DOCK3: variants seen among roughly 807,000 people sequenced by gnomAD.
DOCK3 encodes the protein dedicator of cytokinesis 3.
In DOCK3, 60 loss-of-function variants were observed where a neutral mutation model predicts 265.6. That is an observed-to-expected ratio of 0.23 (90% confidence interval 0.18 to 0.28). The LOEUF (loss-of-function observed/expected upper bound fraction) is 0.28, where lower values mean the gene tolerates loss of function less well. DOCK3 is among the 10% of genes least tolerant of loss of function. The pLI is 1.00. For synonymous variants in DOCK3, 881 were observed against 938.0 expected (o/e 0.94, Z 1.11); for missense variants, 1,981 against 2,594.3 (o/e 0.76, Z 5.14).
At chr3:51,246,677 C>T in intron 21 of DOCK3, 49 bp from the exon 22 acceptor site, 1 of 1,546,804 alleles carries the variant, frequency 6.5e-7, no homozygotes, top group Middle Eastern at 1.7e-4. Context: ...TTTCAAGCTG[C>T]ATTACTTTTG....
chr3:50,968,344 GA>G (rs1329746583), intron 5 of DOCK3, among the ~76,000 whole-genome samples: 2 of 152,182 alleles, frequency 1.3e-5, no homozygotes, highest in East Asian at 3.9e-4. Context: ...GTTTTTAAAA[GA>G]AATAGATTTC....
intron 14 of DOCK3, among the ~76,000 whole-genome samples, chr3:51,218,332 G>T (rs1372903506): frequency 6.6e-6 from 1 of 151,808 alleles, no homozygotes; most frequent in African/African-American, 2.4e-5. Flanking sequence ...TATTCAGGAG[G>T]CTGAGGCATG....
chr3:51,211,265 A>G (rs2089483512), intron 13 of DOCK3, among the ~76,000 whole-genome samples: 1 of 152,166 alleles, frequency 6.6e-6, no homozygotes, highest in African/African-American at 2.4e-5. Context: ...CTTTAATCCA[A>G]TAAGAGGTTC....
intron 51 of DOCK3, among the ~76,000 whole-genome samples, chr3:51,379,081 G>A (rs1401973897): frequency 1.3e-5 from 2 of 152,188 alleles, no homozygotes; most frequent in Non-Finnish European, 2.9e-5. Context: ...GGAGCTCTAT[G>A]TCCTGTGCTC....
chr3:50,822,797 G>C (rs1016365663), intron 2 of DOCK3, among the ~76,000 whole-genome samples: 6 of 152,122 alleles, frequency 3.9e-5, no homozygotes, highest in Admixed American at 2.6e-4. Context: ...CCTGGCCTTG[G>C]GTACCATTTT....
rs115821118 is a variant in DOCK3, at chr3:51,300,607, A to G, written c.2923-9625A>G. ...CCTAGTTTATTGAGAGTTTTTTATC[A>G]TGAAAGGATGTTGAATTTTATCAAA... is the stretch of plus-strand genomic sequence containing the variant. On this transcript the variant is annotated intron_variant, in intron 27 of 52. Transcript: ENST00000266037. Among the ~76,000 whole-genome samples, 1,147 of 152,280 alleles carry G rather than the reference A, an allele frequency of 7.5e-3. 15 individuals carry two copies. The highest frequency in any genetic ancestry group is 0.027 in the African/African-American group (1,102 of 41,564).
intron 1 of DOCK3, among the ~76,000 whole-genome samples, chr3:50,751,622 T>G (rs939095917): frequency 1.3e-5 from 2 of 152,232 alleles, no homozygotes; most frequent in Non-Finnish European, 2.9e-5. Flanking sequence ...CACCAGTTAA[T>G]TACATATATG....
chr3:50,991,390 G>A (rs2078098185), intron 5 of DOCK3, among the ~76,000 whole-genome samples: 1 of 152,166 alleles, frequency 6.6e-6, no homozygotes, highest in South Asian at 2.1e-4. Flanking sequence ...CAAAATAAAG[G>A]GATGGAGGAA....
At chr3:50,955,017 G>A (rs566743123) in intron 5 of DOCK3, among the ~76,000 whole-genome samples, 1 of 152,100 alleles carries the variant, frequency 6.6e-6, no homozygotes, top group Admixed American at 6.6e-5. Context: ...TAAGGAAGGG[G>A]TCCAGTTTCA....
chr3:50,846,367 G>A (rs746303938), intron 3 of DOCK3, among the ~76,000 whole-genome samples: 7 of 152,198 alleles, frequency 4.6e-5, no homozygotes, highest in Non-Finnish European at 8.8e-5. Context: ...TGGGGCAACA[G>A]TCTGTGATGA....
intron 4 of DOCK3, among the ~76,000 whole-genome samples, chr3:50,919,232 G>T (rs1416382478): frequency 6.6e-6 from 1 of 152,058 alleles, no homozygotes; most frequent in South Asian, 2.1e-4. Context: ...AGGATTGTCT[G>T]GGCAATGCGG....
intron 5 of DOCK3, among the ~76,000 whole-genome samples, chr3:51,000,531 G>A (rs1295719955): frequency 6.6e-6 from 1 of 152,156 alleles, no homozygotes; most frequent in Non-Finnish European, 1.5e-5. Flanking sequence ...TTTTCAAGTT[G>A]CCTTTTTCTT....
chr3:50,822,575 C>T (rs2044507360), intron 2 of DOCK3, among the ~76,000 whole-genome samples: 3 of 152,168 alleles, frequency 2.0e-5, no homozygotes, highest in African/African-American at 7.2e-5. Flanking sequence ...TAGCTCACTG[C>T]AGCCTCAAAC....
At position 51,159,393 on chromosome 3, in the gene DOCK3, A is replaced by T. The variant is rs76603603; in HGVS notation, c.889+89A>T. The stretch of plus-strand genomic sequence containing the variant: ...TGCATGAGCTTTGTTTTCTCCCTAG[A>T]TCTTACCTGTAATTTCAGGTCTCAG... On this transcript the variant is annotated intron_variant, in intron 11 of 52. Coordinates refer to ENST00000266037, the MANE Select transcript of DOCK3 (RefSeq NM_004947.5). 9.8e-3 allele frequency: 11,957 copies of T among 1,214,470 alleles called. 803 individuals carry two copies. In the African/African-American group the frequency reaches 0.15, roughly 15 times the overall value. The allele number at this position is 1,214,470 out of a possible 1,614,324, so 75.2% of individuals were successfully genotyped here.
intron 12 of DOCK3, among the ~76,000 whole-genome samples, chr3:51,184,516 C>A (rs757090157): frequency 1.0e-4 from 15 of 146,434 alleles, no homozygotes; most frequent in Non-Finnish European, 1.9e-4. Context: ...ACTGAAAGAA[C>A]TTCCAATGGC....
At chr3:50,815,769 A>G (rs1054780634) in intron 2 of DOCK3, among the ~76,000 whole-genome samples, 3 of 152,210 alleles carry the variant, frequency 2.0e-5, no homozygotes, top group African/African-American at 7.2e-5. Context: ...CAAAATTACA[A>G]CGGATTTACT....
At chr3:51,369,871 G>T (rs952702915) in intron 49 of DOCK3, among the ~76,000 whole-genome samples, 3 of 152,208 alleles carry the variant, frequency 2.0e-5, no homozygotes, top group Non-Finnish European at 2.9e-5. Context: ...CACCTAGCCA[G>T]TTCACAGCCA....
At chr3:50,994,983 G>A (rs2078228387) in intron 5 of DOCK3, among the ~76,000 whole-genome samples, 1 of 152,098 alleles carries the variant, frequency 6.6e-6, no homozygotes, top group African/African-American at 2.4e-5. Context: ...AATGAATTAT[G>A]GTGGTATGCC....
At chr3:50,711,579 G>T (rs1366052455) in intron 1 of DOCK3, among the ~76,000 whole-genome samples, 1 of 151,882 alleles carries the variant, frequency 6.6e-6, no homozygotes, top group African/African-American at 2.4e-5. Context: ...TTTTAATATT[G>T]CTGGTAATAT....
Sources: gnomAD v4.1 joint callset for allele counts (sites outside exome capture counted in the v4.1 genomes callset) on GRCh38, gnomAD v4.1.1 for gene constraint, MANE v1.5 for transcripts, NCBI Gene and HGNC (gene_info 2026-07-23, HGNC 2026-07-21) for gene names.